Variants in HS6ST3 observed in about 807,000 individuals in gnomAD.
HS6ST3 encodes heparan-sulfate 6-O-sulfotransferase 3.
HS6ST3 carries 12 observed loss-of-function variants against 36.7 expected under a neutral mutation model. The ratio of observed to expected loss-of-function variants is 0.33; its 90% CI spans 0.21 to 0.53. The LOEUF is 0.53. HS6ST3 is among the 20% of genes least tolerant of loss of function. HS6ST3 has a pLI of 0.95. For synonymous variants in HS6ST3, 240 were observed against 257.5 expected (o/e 0.93, Z 0.65); for missense variants, 584 against 640.9 (o/e 0.91, Z 0.96).
At chr13:96,811,093 G>A (rs1367605269) in intron 1 of HS6ST3, among the ~76,000 whole-genome samples, 3 of 152,088 alleles carry the variant, frequency 2.0e-5, no homozygotes, top group South Asian at 2.1e-4. Flanking sequence ...CCCCTAGACA[G>A]GTGAATCTTT....
At chr13:96,273,207 C>G (rs2054729889) in intron 1 of HS6ST3, among the ~76,000 whole-genome samples, 1 of 151,900 alleles carries the variant, frequency 6.6e-6, no homozygotes, top group African/African-American at 2.4e-5. Flanking sequence ...ATGGCCCTTC[C>G]TGATGCTTCA....
At chr13:96,457,933 A>G (rs2055762230) in intron 1 of HS6ST3, among the ~76,000 whole-genome samples, 1 of 152,056 alleles carries the variant, frequency 6.6e-6, no homozygotes, top group Non-Finnish European at 1.5e-5. Context: ...AAGAAGGCTA[A>G]GAGTCTATAC....
chr13:96,735,234 A>C (rs1395939077), intron 1 of HS6ST3, among the ~76,000 whole-genome samples: 1 of 152,120 alleles, frequency 6.6e-6, no homozygotes, highest in Non-Finnish European at 1.5e-5. Context: ...AGAAAAAAAA[A>C]AAGAACGTAC....
chr13:96,368,286 G>A (rs1464739373), intron 1 of HS6ST3, among the ~76,000 whole-genome samples: 5 of 152,172 alleles, frequency 3.3e-5, no homozygotes, highest in Admixed American at 3.3e-4. Flanking sequence ...TAGGGTACCT[G>A]TAAATTATAT....
intron 1 of HS6ST3, among the ~76,000 whole-genome samples, chr13:96,266,885 C>T (rs537854736): frequency 3.3e-5 from 5 of 152,220 alleles, no homozygotes; most frequent in East Asian, 3.9e-4. Context: ...GGTCAGTCTG[C>T]GTATCCTGAG....
intron 1 of HS6ST3, among the ~76,000 whole-genome samples, chr13:96,753,325 G>T (rs1460722726): frequency 6.6e-6 from 1 of 152,118 alleles, no homozygotes; most frequent in Non-Finnish European, 1.5e-5. Flanking sequence ...ATACCTTTTA[G>T]GATAGTGAAC....
intron 1 of HS6ST3, among the ~76,000 whole-genome samples, chr13:96,629,800 CAAT>C (rs1011941203): frequency 6.6e-6 from 1 of 151,808 alleles, no homozygotes; most frequent in African/African-American, 2.4e-5. Context: ...AAACATTTTT[CAAT>C]GATTTGCTAC....
chr13:96,574,471 T>C, intron 1 of HS6ST3: 1 of 443,798 alleles, frequency 2.3e-6, no homozygotes, highest in Non-Finnish European at 4.2e-6. Context: ...AGAACCATAC[T>C]CTTCATGCCC....
chr13:96,546,568 C>A (rs1413293094), intron 1 of HS6ST3, among the ~76,000 whole-genome samples: 1 of 152,174 alleles, frequency 6.6e-6, no homozygotes, highest in Non-Finnish European at 1.5e-5. Flanking sequence ...AATAGCTTTA[C>A]AATGTGCCTA....
At chr13:96,520,976 T>C (rs893087059) in intron 1 of HS6ST3, among the ~76,000 whole-genome samples, 1 of 152,208 alleles carries the variant, frequency 6.6e-6, no homozygotes, top group African/African-American at 2.4e-5. Flanking sequence ...TGATATTGGC[T>C]GTGGGTTTGT....
chr13:96,213,634 G>A (rs956952730), intron 1 of HS6ST3, among the ~76,000 whole-genome samples: 18 of 151,980 alleles, frequency 1.2e-4, no homozygotes, highest in African/African-American at 4.1e-4. Context: ...TCAGGGAATG[G>A]TGAACCACAT....
intron 1 of HS6ST3, among the ~76,000 whole-genome samples, chr13:96,337,539 C>A (rs75808343): frequency 1.9e-3 from 296 of 152,256 alleles, no homozygotes; most frequent in Non-Finnish European, 3.7e-3. Flanking sequence ...TGAGGCCACT[C>A]TCACTTCTGA....
intron 1 of HS6ST3, among the ~76,000 whole-genome samples, chr13:96,225,211 A>G (rs139256015): frequency 6.6e-6 from 1 of 152,364 alleles, no homozygotes; most frequent in East Asian, 1.9e-4. Flanking sequence ...GTAAATGTGC[A>G]TCACATCAAG....
intron 1 of HS6ST3, among the ~76,000 whole-genome samples, chr13:96,196,640 A>AG (rs1315230591): frequency 6.6e-6 from 1 of 152,206 alleles, no homozygotes; most frequent in Non-Finnish European, 1.5e-5. Flanking sequence ...AGCTCAGAGC[A>AG]GGGGCTTAAG....
chr13:96,317,530 A>G (rs1343697608), intron 1 of HS6ST3, among the ~76,000 whole-genome samples: 5 of 151,188 alleles, frequency 3.3e-5, no homozygotes, highest in African/African-American at 1.2e-4. Flanking sequence ...ATGTGAGGGC[A>G]TGTGCCTTTT....
chr13:96,648,256 CA>C (rs1335025680), intron 1 of HS6ST3, among the ~76,000 whole-genome samples: 1 of 152,028 alleles, frequency 6.6e-6, no homozygotes, highest in African/African-American at 2.4e-5. Context: ...TCAAATATAA[CA>C]TGCCTAAAAT....
chr13:96,669,112 GA>G (rs1207032630), intron 1 of HS6ST3, among the ~76,000 whole-genome samples: 1 of 152,166 alleles, frequency 6.6e-6, no homozygotes, highest in Non-Finnish European at 1.5e-5. Flanking sequence ...AAGGAAACTT[GA>G]AGGGCACTGT....
At chr13:96,478,512 C>T (rs1209828247) in intron 1 of HS6ST3, among the ~76,000 whole-genome samples, 1 of 152,092 alleles carries the variant, frequency 6.6e-6, no homozygotes, top group East Asian at 1.9e-4. Context: ...GTTCCATAGT[C>T]TCATCTCTAG....
chr13:96,677,370 T>C (rs2138435206), intron 1 of HS6ST3, among the ~76,000 whole-genome samples: 1 of 152,272 alleles, frequency 6.6e-6, no homozygotes, highest in South Asian at 2.1e-4. Context: ...CCAGCAGATA[T>C]GGTATCTGGC....
Sources: allele counts gnomAD v4.1 joint callset (sites outside exome capture counted in the v4.1 genomes callset), GRCh38; gene constraint gnomAD v4.1.1; transcripts MANE v1.5; gene names NCBI Gene and HGNC (gene_info 2026-07-23, HGNC 2026-07-21).